TASP1: variants seen among roughly 807,000 people sequenced by gnomAD.
TASP1 encodes threonine aspartase 1.
Under a neutral mutation model 56.6 loss-of-function variants are expected in TASP1, and 16 were observed. That is an observed-to-expected ratio of 0.28 (90% confidence interval 0.19 to 0.43). TASP1 has a LOEUF of 0.43. TASP1 is among the 20% of genes least tolerant of loss of function. The pLI, the probability that TASP1 is intolerant of heterozygous loss-of-function variation, is 1.00. For missense variants in TASP1, 393 were observed against 511.6 expected (o/e 0.77, Z 2.24); for synonymous variants, 179 against 184.2 (o/e 0.97, Z 0.23).
At chr20:13,532,242 A>G (rs1404487303) in intron 9 of TASP1, among the ~76,000 whole-genome samples, 1 of 152,204 alleles carries the variant, frequency 6.6e-6, no homozygotes, top group Non-Finnish European at 1.5e-5. Context: ...GCTATCACAT[A>G]TCTACAGCAG....
chr20:13,359,343 A>C, the TASP1 span, among the ~76,000 whole-genome samples: 1 of 150,972 alleles, frequency 6.6e-6, no homozygotes, highest in Non-Finnish European at 1.5e-5. Context: ...GGACTGTTCA[A>C]CTCACCTGGC....
intron 4 of TASP1, among the ~76,000 whole-genome samples, chr20:13,612,935 C>G (rs2048398287): frequency 6.6e-6 from 1 of 152,132 alleles, no homozygotes; most frequent in South Asian, 2.1e-4. Context: ...GCCCATTCAC[C>G]ATTTCTCTGC....
chr20:13,237,818 G>A, the TASP1 span: 2 of 152,270 alleles, frequency 1.3e-5, no homozygotes, highest in Admixed American at 1.3e-4. Flanking sequence ...TTCACTCTCT[G>A]GGCTCCCTGA....
chr20:13,409,684 A>T (rs2042033672), intron 13 of TASP1, among the ~76,000 whole-genome samples: 1 of 152,016 alleles, frequency 6.6e-6, no homozygotes. Context: ...TTCAACTGAC[A>T]TACTAATCAT....
intron 13 of TASP1, among the ~76,000 whole-genome samples, chr20:13,410,019 T>G (rs1272179818): frequency 6.6e-6 from 1 of 152,212 alleles, no homozygotes; most frequent in Non-Finnish European, 1.5e-5. Context: ...CACTGTACTC[T>G]CTATCTCCAT....
chr20:13,548,144 G>A (rs1215976430), intron 8 of TASP1, among the ~76,000 whole-genome samples: 2 of 152,140 alleles, frequency 1.3e-5, no homozygotes, highest in East Asian at 1.9e-4. Flanking sequence ...TAGGGTCCTG[G>A]GGACTCTGTT....
intron 10 of TASP1, among the ~76,000 whole-genome samples, chr20:13,496,834 C>T (rs778930961): frequency 6.6e-6 from 1 of 152,172 alleles, no homozygotes; most frequent in African/African-American, 2.4e-5. Context: ...AAGCTACAGT[C>T]ATGGGTTTTT....
chr20:13,173,907 T>G, the TASP1 span, among the ~76,000 whole-genome samples: 17 of 152,344 alleles, frequency 1.1e-4, no homozygotes, highest in South Asian at 2.9e-3. Context: ...TTTATCCATC[T>G]GCACCTTCCC....
intron 13 of TASP1, chr20:13,393,124 C>T: frequency 1.5e-6 from 1 of 646,000 alleles, no homozygotes; most frequent in Admixed American, 1.8e-5. Flanking sequence ...AGCAATGCCT[C>T]CTGTACCACC....
At chr20:13,136,489 A>G in the TASP1 span, among the ~76,000 whole-genome samples, 3 of 151,848 alleles carry the variant, frequency 2.0e-5, no homozygotes, top group Admixed American at 2.0e-4. Flanking sequence ...GGTCCCAGCT[A>G]CTCGGGAGGA....
intron 4 of TASP1, among the ~76,000 whole-genome samples, chr20:13,588,893 A>T (rs1156747072): frequency 1.3e-5 from 2 of 152,220 alleles, no homozygotes; most frequent in Non-Finnish European, 2.9e-5. Flanking sequence ...ACTCATACTT[A>T]CTACAAAACT....
chr20:13,378,480 T>C, the TASP1 span, among the ~76,000 whole-genome samples: 110 of 152,192 alleles, frequency 7.2e-4, no homozygotes, highest in African/African-American at 2.2e-3. Flanking sequence ...TGCTGAGGAG[T>C]GTTTTACTTC....
the TASP1 span, among the ~76,000 whole-genome samples, chr20:13,290,327 AATG>A: frequency 1.1e-4 from 17 of 152,192 alleles, no homozygotes; most frequent in Admixed American, 9.8e-4. Context: ...AAACGAAAAT[AATG>A]ATGAAGGTAA....
chr20:13,550,082 C>T (rs562535877), intron 8 of TASP1, among the ~76,000 whole-genome samples: 96 of 151,584 alleles, frequency 6.3e-4, no homozygotes, highest in African/African-American at 2.2e-3. Flanking sequence ...GAAACTCAAT[C>T]TCCTAGGTAT....
At chr20:13,588,399 A>C (rs546755775) in intron 4 of TASP1, among the ~76,000 whole-genome samples, 7 of 152,230 alleles carry the variant, frequency 4.6e-5, no homozygotes, top group African/African-American at 1.4e-4. Flanking sequence ...TGTCTGTTTC[A>C]AGATAACATG....
intron 1 of TASP1, among the ~76,000 whole-genome samples, chr20:13,632,793 T>C (rs1320358097): frequency 6.6e-6 from 1 of 152,080 alleles, no homozygotes; most frequent in Non-Finnish European, 1.5e-5. Flanking sequence ...TCAGAACTCA[T>C]TAAAGGTCTG....
intron 6 of TASP1, among the ~76,000 whole-genome samples, chr20:13,575,962 A>T (rs1399917507): frequency 6.6e-6 from 1 of 152,112 alleles, no homozygotes; most frequent in Admixed American, 6.6e-5. Flanking sequence ...CTGTAATCCC[A>T]GCACTGTGGG....
At chr20:13,488,060 T>TCCAAAAGTG (rs2043391584) in intron 10 of TASP1, among the ~76,000 whole-genome samples, 1 of 151,202 alleles carries the variant, frequency 6.6e-6, no homozygotes, top group African/African-American at 2.4e-5. Context: ...AAATGAGGAG[T>TCCAAAAGTG]TAAGAGTCCA....
chr20:13,227,953 T>C, the TASP1 span, among the ~76,000 whole-genome samples: 1 of 150,646 alleles, frequency 6.6e-6, no homozygotes, highest in Non-Finnish European at 1.5e-5. Flanking sequence ...ATCTAGCTGC[T>C]GCTGCCTTTT....
Sources: allele counts gnomAD v4.1 joint callset (sites outside exome capture counted in the v4.1 genomes callset), GRCh38; gene constraint gnomAD v4.1.1; transcripts MANE v1.5; gene names NCBI Gene and HGNC (gene_info 2026-07-23, HGNC 2026-07-21).